The following HERC2 variants were observed in gnomAD, a reference collection of about 807,000 sequenced individuals.
The protein encoded by HERC2 is HECT and RLD domain containing E3 ubiquitin protein ligase 2, also known as E3 ubiquitin-protein ligase HERC2.
In HERC2, 102 loss-of-function variants were observed where a neutral mutation model predicts 537.7. The ratio of observed to expected loss-of-function variants is 0.19; its 90% CI spans 0.16 to 0.22. The LOEUF (loss-of-function observed/expected upper bound fraction) is 0.22. HERC2 is among the 10% of genes least tolerant of loss of function. The probability of loss-of-function intolerance (pLI) is 1.00; values close to 1 mark genes in which losing one functional copy is unlikely to be tolerated. For synonymous variants in HERC2, 2,224 were observed against 2,466.2 expected, an observed-to-expected ratio of 0.90 and a Z score of 2.91; for missense variants, 4,236 against 6,198.2, an observed-to-expected ratio of 0.68 and a Z score of 10.63.
rs767625914 is a variant in HERC2, at chr15:28,299,386, A to T, written c.187+16T>A. 9.2e-7 allele frequency: 1 copy of T among 1,089,634 alleles called. No individual in the cohort carries two copies. The highest frequency in any genetic ancestry group is 1.5e-5 in the African/African-American group (1 of 64,688). The allele number at this position is 1,089,634 out of a possible 1,614,324, so 67.5% of individuals were successfully genotyped here. A position where few individuals can be genotyped will look rare whatever the true frequency, so the allele number is the denominator to read the frequency against. ...TGGTCTTTACCAAATAAAAAACACTAGTTAAAGGCCCTTACCTTTTCTAGG... is the reference window on the plus strand; with the variant it reads ...TGGTCTTTACCAAATAAAAAACACTTGTTAAAGGCCCTTACCTTTTCTAGG... On this transcript the variant is annotated intron_variant, in intron 3 of 92. Coordinates refer to ENST00000261609, the MANE Select transcript of HERC2 (RefSeq NM_004667.6).
chr15:28,149,217 C>T (rs1311944535), intron 70 of HERC2, among the ~76,000 whole-genome samples: 2 of 149,472 alleles, frequency 1.3e-5, no homozygotes, highest in Non-Finnish European at 3.0e-5. Flanking sequence ...GAAAAATACA[C>T]GCAGCTCCTA....
At chr15:28,209,527 T>G (rs1394225828) in intron 44 of HERC2, among the ~76,000 whole-genome samples, 2 of 152,190 alleles carry the variant, frequency 1.3e-5, no homozygotes, top group South Asian at 4.1e-4. Flanking sequence ...GTATTTTTAG[T>G]AGAGATGGAG....
intron 37 of HERC2, 66 bp downstream of exon 37, chr15:28,220,386 G>A (rs1900394850): frequency 2.1e-6 from 3 of 1,403,008 alleles, no homozygotes; most frequent in African/African-American, 1.4e-5. Flanking sequence ...AGATGACAGT[G>A]GTGGCAGCCA....
At chr15:28,291,641 C>G (rs2076315333) in intron 4 of HERC2, among the ~76,000 whole-genome samples, 1 of 151,780 alleles carries the variant, frequency 6.6e-6, no homozygotes, top group South Asian at 2.1e-4. Flanking sequence ...AAAAAGTAAG[C>G]AAAGAATAAA....
intron 2 of HERC2, among the ~76,000 whole-genome samples, chr15:28,310,653 G>A (rs916406726): frequency 1.3e-4 from 20 of 152,062 alleles, no homozygotes; most frequent in Non-Finnish European, 1.3e-4. Flanking sequence ...GGCTAACAGC[G>A]GTCAGAACTC....
Position 28,202,170 on chromosome 15 carries a change from G to A in HERC2, c.7560C>T (p.Ser2520=), listed in dbSNP as rs375681842. The change falls in exon 47 of 93, where the codon TCC becomes TCT. Residue 2520 remains serine (S), a synonymous_variant. Coordinates refer to ENST00000261609, the MANE Select transcript of HERC2 (RefSeq NM_004667.6). ...CCACCTCCTCGTCAGAATACTCGTC[G>A]GACACCGTGTCTGCATCTGAGAGCT... ...VTELSDADTV[S]DEYSDEEVVE... is the part of the protein sequence containing the mutation. The A allele has an allele frequency of 8.2e-6, 13 of 1,582,730 alleles. No homozygotes were observed. Among genetic ancestry groups the A allele is most frequent in the Middle Eastern group, 1.7e-4 (1 of 5,948 alleles).
rs765941577 is a variant in HERC2 at position 28,202,378 on chromosome 15, A to C, written c.7449T>G (p.Thr2483=). 5.6e-6 allele frequency: 9 copies of C among 1,613,846 alleles called. No homozygotes were observed. Among genetic ancestry groups the C allele is most frequent in the Non-Finnish European group, 7.6e-6 (9 of 1,179,818 alleles). ...AGCTGGATGCATTCCCGGAAGCACC[A>C]GTGAGAGACTTCAGGGCAAACTCGA... ...RNIEFALKSL[T]GASGNASSLP... Residue 2483 remains threonine, a synonymous_variant, in exon 46 of 93, where the codon ACT becomes ACG. Coordinates refer to ENST00000261609, the MANE Select transcript of HERC2 (RefSeq NM_004667.6).
intron 45 of HERC2, among the ~76,000 whole-genome samples, chr15:28,204,396 C>T (rs1014839379): frequency 1.8e-4 from 28 of 152,082 alleles, no homozygotes; most frequent in African/African-American, 4.1e-4. Context: ...CCGAGGAGGG[C>T]GGATCATGAG....
chr15:28,283,370 C>T (rs1271818769), intron 4 of HERC2, among the ~76,000 whole-genome samples: 3 of 152,198 alleles, frequency 2.0e-5, no homozygotes, highest in Non-Finnish European at 4.4e-5. Context: ...AATTTCTCAT[C>T]AGAAACCATG....
chr15:28,194,032 A>G (rs986842060), intron 52 of HERC2, among the ~76,000 whole-genome samples: 28 of 151,614 alleles, frequency 1.8e-4, no homozygotes, highest in African/African-American at 4.8e-4. Flanking sequence ...ACATAAAATC[A>G]TCACATGCCC....
At chr15:28,313,812 T>G (rs1345284960) in intron 2 of HERC2, among the ~76,000 whole-genome samples, 1 of 152,170 alleles carries the variant, frequency 6.6e-6, no homozygotes, top group Non-Finnish European at 1.5e-5. Flanking sequence ...TAGTGAGGTC[T>G]TCCTAAAGTC....
At chr15:28,272,868 G>A in intron 8 of HERC2, 26 bp downstream of exon 8, 1 of 1,516,988 alleles carries the variant, frequency 6.6e-7, no homozygotes, top group Non-Finnish European at 9.1e-7. Flanking sequence ...CTTCCCCAAA[G>A]CGTTCCCGTC....
At chr15:28,186,001 T>C (rs1452096516) in intron 56 of HERC2, among the ~76,000 whole-genome samples, 1 of 152,188 alleles carries the variant, frequency 6.6e-6, no homozygotes, top group East Asian at 1.9e-4. Context: ...ATTGAGTGAG[T>C]AAATGAGAAC....
intron 50 of HERC2, among the ~76,000 whole-genome samples, 165 bp from the exon 51 acceptor site, chr15:28,196,734 A>G (rs970338423): frequency 3.3e-5 from 5 of 152,224 alleles, no homozygotes; most frequent in African/African-American, 1.2e-4. Flanking sequence ...GAACTAATAC[A>G]TGATGTCAGC....
intron 3 of HERC2, among the ~76,000 whole-genome samples, chr15:28,295,184 G>A (rs2076428538): frequency 6.6e-6 from 1 of 151,892 alleles, no homozygotes; most frequent in African/African-American, 2.4e-5. Context: ...AACTAAAACA[G>A]CCTCCAGTTT....
intron 4 of HERC2, among the ~76,000 whole-genome samples, chr15:28,288,543 A>AAC (rs1321351109): frequency 6.7e-6 from 1 of 149,960 alleles, no homozygotes; most frequent in African/African-American, 2.5e-5. Context: ...CTCAAAAAAA[A>AAC]AAAAAAAAAG....
At chr15:28,224,840 AGAAAAGTG>A (rs1900946274) in intron 35 of HERC2, among the ~76,000 whole-genome samples, 1 of 152,246 alleles carries the variant, frequency 6.6e-6, no homozygotes. Context: ...AATAAAAAAA[AGAAAAGTG>A]GAAAATTTAC....
rs112372165 is a variant in HERC2, at chr15:28,256,405, C to T, written c.2518-88G>A. 5.6e-6 allele frequency: 5 copies of T among 888,146 alleles called. No homozygotes were observed. The African/African-American group carries it at 6.7e-5, about 12-fold the overall frequency. 55.0% of individuals were successfully genotyped at this position (888,146 alleles called of 1,614,324 possible). A position where few individuals can be genotyped will look rare whatever the true frequency, so the allele number is the denominator to read the frequency against. On this transcript the variant is annotated intron_variant, in intron 17 of 92. Coordinates refer to ENST00000261609, the MANE Select transcript of HERC2 (RefSeq NM_004667.6). ...TTAAACACTGAATAAAAGTCAATTTCAAGTATTATTTAAATAGACAATTTC... is the reference window on the plus strand; with the variant it reads ...TTAAACACTGAATAAAAGTCAATTTTAAGTATTATTTAAATAGACAATTTC...
chr15:28,192,575 T>C (rs1896949225), intron 52 of HERC2, among the ~76,000 whole-genome samples: 9 of 152,152 alleles, frequency 5.9e-5, no homozygotes, highest in Admixed American at 4.6e-4. Flanking sequence ...AGACAACTAG[T>C]AAAGCCAGAC....
Sources: allele counts gnomAD v4.1 joint callset (sites outside exome capture counted in the v4.1 genomes callset), GRCh38; gene constraint gnomAD v4.1.1; transcripts MANE v1.5; gene names NCBI Gene and HGNC (gene_info 2026-07-23, HGNC 2026-07-21).